GABRB3: variants seen among roughly 807,000 people sequenced by gnomAD.
GABRB3 encodes the protein gamma-aminobutyric acid type A receptor subunit beta3, also known as gamma-aminobutyric acid receptor subunit beta-3.
A neutral mutation model predicts 52.1 loss-of-function variants in GABRB3; 14 were observed. The ratio of observed to expected loss-of-function variants is 0.27; its 90% CI spans 0.18 to 0.42. GABRB3 has a LOEUF of 0.42. Among genes scored for constraint, GABRB3 ranks in the 10% least tolerant of loss-of-function variants. GABRB3 has a pLI of 1.00. For missense variants in GABRB3, 307 were observed against 609.1 expected, an observed-to-expected ratio of 0.50 and a Z score of 5.22; for synonymous variants, 260 against 232.3, an observed-to-expected ratio of 1.12 and a Z score of -1.08.
chr15:26,771,764 G>A (rs571841619), intron 3 of GABRB3: 1 of 152,228 alleles, frequency 6.6e-6, no homozygotes, highest in Non-Finnish European at 1.5e-5. Flanking sequence ...CCGGTAGAGC[G>A]GCTCCTCTGA....
Position 26,772,692 on chromosome 15 carries a change from G to T in GABRB3, c.161C>A (p.Pro54His). 6.3e-7 allele frequency: 1 copy of T among 1,575,434 alleles called. No homozygotes were observed. The highest frequency in any genetic ancestry group is 1.1e-5 in the South Asian group (1 of 87,290). ...LLKGYDIRLR[P>H]DFGGPPVCVG... is the part of the protein sequence containing the mutation. ...CGCAGCCCACTTACCCCCGAAGTCG[G>T]GTCTTAGGCGAATGTCGTAGCCTTT... Residue 54 changes from proline (P) to histidine (H), a missense_variant, in exon 2 of 9, where the codon CCC (proline) becomes CAC (histidine). Physicochemically the swap from Pro to His is moderately conservative, Grantham distance 77. This residue lies in a region of GABRB3 where 90 missense variants were observed against 86.4 expected (regional missense o/e 1.04). Transcript: ENST00000311550.
chr15:26,744,684 C>T (rs1432774460), intron 3 of GABRB3, among the ~76,000 whole-genome samples: 2 of 152,134 alleles, frequency 1.3e-5, no homozygotes, highest in African/African-American at 2.4e-5. Context: ...CCTCGGCCTC[C>T]CAAAGTGCTG....
rs8039376 is a variant in GABRB3 at position 26,671,544 on chromosome 15, A to G, written c.241-50010T>C. On this transcript the variant is annotated intron_variant, in intron 3 of 8. Transcript: ENST00000311550. ...CGTTTCGAGAGTGCTTTAAACATTC[A>G]TCAAGAGACCAACAGAATCTATAAG... Among the ~76,000 whole-genome samples, 268 of 152,282 alleles carry G rather than the reference A, an allele frequency of 1.8e-3. 1 individual carries two copies. The highest frequency in any genetic ancestry group is 6.1e-3 in the African/African-American group (255 of 41,560).
intron 3 of GABRB3, among the ~76,000 whole-genome samples, chr15:26,678,070 C>T (rs2140642410): frequency 6.6e-6 from 1 of 152,228 alleles, no homozygotes; most frequent in Middle Eastern, 3.4e-3. Context: ...GGGTGTCGCA[C>T]CAAAGAAAGG....
At chr15:26,716,409 C>T (rs1658828090) in intron 3 of GABRB3, among the ~76,000 whole-genome samples, 1 of 152,194 alleles carries the variant, frequency 6.6e-6, no homozygotes, top group African/African-American at 2.4e-5. Flanking sequence ...CATACCACAG[C>T]ACATTCGAGT....
chr15:26,645,403 C>T (rs1392912891), intron 3 of GABRB3, among the ~76,000 whole-genome samples: 1 of 152,116 alleles, frequency 6.6e-6, no homozygotes, highest in Non-Finnish European at 1.5e-5. Context: ...AAGAATATAG[C>T]CTTTCGAGGT....
intron 3 of GABRB3, among the ~76,000 whole-genome samples, chr15:26,748,366 C>T (rs1890408254): frequency 6.6e-6 from 1 of 152,120 alleles, no homozygotes; most frequent in African/African-American, 2.4e-5. Flanking sequence ...TTTTTGGGAA[C>T]TTCTAATTAC....
chr15:26,684,170 G>A (rs1306643702), intron 3 of GABRB3, among the ~76,000 whole-genome samples: 1 of 152,124 alleles, frequency 6.6e-6, no homozygotes, highest in Non-Finnish European at 1.5e-5. Context: ...AATATGCTCA[G>A]GACGTCCCCT....
intron 8 of GABRB3, among the ~76,000 whole-genome samples, chr15:26,552,626 G>T (rs904463966): frequency 6.6e-5 from 10 of 152,186 alleles, no homozygotes; most frequent in Non-Finnish European, 1.5e-4. Flanking sequence ...ACCTGAACCT[G>T]CCCTGGATGC....
intron 6 of GABRB3, among the ~76,000 whole-genome samples, chr15:26,579,835 A>AAGATG (rs1347074793): frequency 1.3e-5 from 2 of 152,168 alleles, no homozygotes; most frequent in Non-Finnish European, 2.9e-5. Context: ...ACATCAGGAG[A>AAGATG]AGATGACCAT....
intron 7 of GABRB3, among the ~76,000 whole-genome samples, chr15:26,565,413 C>T (rs1220409494): frequency 3.3e-5 from 5 of 152,110 alleles, no homozygotes; most frequent in Non-Finnish European, 5.9e-5. Flanking sequence ...CTCGGGGTCA[C>T]CCTAACTCTA....
intron 3 of GABRB3, among the ~76,000 whole-genome samples, chr15:26,716,402 A>G (rs911075516): frequency 2.0e-4 from 31 of 152,204 alleles, no homozygotes; most frequent in African/African-American, 7.5e-4. Context: ...TTTGTGTCAT[A>G]CCACAGCACA....
intron 3 of GABRB3, among the ~76,000 whole-genome samples, chr15:26,656,406 T>C (rs981234999): frequency 6.6e-6 from 1 of 152,262 alleles, no homozygotes; most frequent in Non-Finnish European, 1.5e-5. Flanking sequence ...GGGCATGATT[T>C]GTTTGCTGCA....
At chr15:26,554,106 G>GTA (rs59076608) in intron 8 of GABRB3, among the ~76,000 whole-genome samples, 16 of 65,378 alleles carry the variant, frequency 2.4e-4, no homozygotes, top group South Asian at 4.7e-4. Context: ...TAAAGTGTGT[G>GTA]TATATATATA....
chr15:26,583,254 G>GA, intron 5 of GABRB3, 78 bp downstream of exon 5: 5 of 1,243,990 alleles, frequency 4.0e-6, no homozygotes, highest in South Asian at 1.2e-5. Flanking sequence ...TGGATGCCTT[G>GA]AAAAAAGATG....
intron 7 of GABRB3, among the ~76,000 whole-genome samples, chr15:26,564,625 G>A (rs972702992): frequency 5.9e-5 from 9 of 152,186 alleles, no homozygotes; most frequent in Non-Finnish European, 1.3e-4. Flanking sequence ...CCCTTAGGAT[G>A]AATGCAAAAA....
chr15:26,684,256 C>T (rs549254862), intron 3 of GABRB3, among the ~76,000 whole-genome samples: 13 of 152,218 alleles, frequency 8.5e-5, no homozygotes, highest in African/African-American at 2.4e-4. Flanking sequence ...AAATTGACAA[C>T]GAAGAGACAA....
At chr15:26,686,963 ATAAGC>A (rs1422183844) in intron 3 of GABRB3, among the ~76,000 whole-genome samples, 2 of 152,286 alleles carry the variant, frequency 1.3e-5, no homozygotes, top group Non-Finnish European at 2.9e-5. Context: ...CACAACAGGC[ATAAGC>A]TAGATGACCA....
intron 3 of GABRB3, among the ~76,000 whole-genome samples, chr15:26,648,369 A>C (rs1051632640): frequency 2.0e-5 from 3 of 152,234 alleles, no homozygotes; most frequent in Admixed American, 6.5e-5. Context: ...TTCTGTTTGC[A>C]CAGAGTAATT....
Sources: gnomAD v4.1 joint callset for allele counts (sites outside exome capture counted in the v4.1 genomes callset) on GRCh38, gnomAD v4.1.1 for gene constraint, gnomAD v4.1.1 regional missense constraint, MANE v1.5 for transcripts, NCBI Gene and HGNC (gene_info 2026-07-23, HGNC 2026-07-21) for gene names.